RAMP3: variants seen among roughly 807,000 people sequenced by gnomAD.
RAMP3 encodes the protein receptor activity modifying protein 3.
A neutral mutation model predicts 13.5 loss-of-function variants in RAMP3; 14 were observed. The observed-to-expected ratio is 1.04, with a 90% CI of 0.69 to 1.63. RAMP3 has a LOEUF of 1.63. RAMP3 is among the 40% of genes most tolerant of loss of function. RAMP3 has a pLI of 0.00. For missense variants in RAMP3, 200 were observed against 204.8 expected (o/e 0.98, Z 0.14); for synonymous variants, 106 against 88.3 (o/e 1.20, Z -1.12).
intron 1 of RAMP3, among the ~76,000 whole-genome samples, chr7:45,168,463 A>G (rs2128656355): frequency 6.7e-6 from 1 of 150,128 alleles, no homozygotes; most frequent in African/African-American, 2.4e-5. Flanking sequence ...TTTTCGGAGT[A>G]CAAGTTTTGT....
intron 1 of RAMP3, among the ~76,000 whole-genome samples, chr7:45,158,522 G>T (rs1313113898): frequency 1.3e-5 from 2 of 152,220 alleles, no homozygotes; most frequent in Non-Finnish European, 2.9e-5. Flanking sequence ...TAAACTAAAA[G>T]CTTGTTTTGA....
intron 1 of RAMP3, among the ~76,000 whole-genome samples, chr7:45,169,835 T>C (rs1786044753): frequency 6.6e-6 from 1 of 152,232 alleles, no homozygotes; most frequent in South Asian, 2.1e-4. Flanking sequence ...ATTACCTCAG[T>C]TGAGACCCTA....
chr7:45,179,864 C>T (rs1232471643), intron 2 of RAMP3, among the ~76,000 whole-genome samples: 1 of 152,170 alleles, frequency 6.6e-6, no homozygotes, highest in East Asian at 1.9e-4. Flanking sequence ...AAAACTTCTA[C>T]ACCTATCCAG....
intron 1 of RAMP3, among the ~76,000 whole-genome samples, chr7:45,164,312 G>T (rs549779544): frequency 5.9e-5 from 9 of 152,308 alleles, no homozygotes; most frequent in Admixed American, 5.9e-4. Context: ...ACTTTGGGAG[G>T]CCAAGGCGAG....
rs965821663 is a variant in RAMP3 at position 45,164,491 on chromosome 7, C to T, written c.58+6605C>T. Among the ~76,000 whole-genome samples, 6 of 152,004 alleles carry T rather than the reference C, an allele frequency of 3.9e-5. 1 individual carries two copies. The highest frequency in any genetic ancestry group is 2.6e-4 in the Admixed American group (4 of 15,274). On this transcript the variant is annotated intron_variant, in intron 1 of 2. Transcript: ENST00000242249. ...TGAAGGCTGCAGTGAGTCATGATCA[C>T]ACCACTGTACTCCAGCCTCGGTGAC...
chr7:45,169,599 T>C (rs1357714182), intron 1 of RAMP3, among the ~76,000 whole-genome samples: 1 of 152,210 alleles, frequency 6.6e-6, no homozygotes, highest in African/African-American at 2.4e-5. Context: ...TGCTGGGCAC[T>C]CCTTCCCAGC....
chr7:45,162,991 G>C (rs1019080699), intron 1 of RAMP3, among the ~76,000 whole-genome samples: 5 of 152,206 alleles, frequency 3.3e-5, no homozygotes, highest in Non-Finnish European at 7.3e-5. Context: ...TGCTGGACTG[G>C]AATCTACATT....
chr7:45,166,228 G>A (rs1785959351), intron 1 of RAMP3, among the ~76,000 whole-genome samples: 1 of 150,634 alleles, frequency 6.6e-6, no homozygotes. Context: ...AGTCTGGAGT[G>A]CAGTGGTGCA....
At position 45,183,580 on chromosome 7, in the gene RAMP3, T is replaced by A. The variant is rs747193510; in HGVS notation, c.*168T>A. On this transcript the variant is annotated 3_prime_UTR_variant, in exon 3 of 3. Transcript: ENST00000242249. ...CTGACCTGCTCCCTCGAGGCCAGCC[T>A]GCTCCCTGGCTGAGGCTCAGGCTAT... 3.1e-6 allele frequency: 3 copies of A among 963,268 alleles called. No individual in the cohort carries two copies. Among genetic ancestry groups the A allele is most frequent in the Non-Finnish European group, 4.6e-6 (3 of 652,708 alleles). The allele number at this position is 963,268 out of a possible 1,614,324, so 59.7% of individuals were successfully genotyped here.
At chr7:45,158,506 A>G (rs1785804514) in intron 1 of RAMP3, among the ~76,000 whole-genome samples, 1 of 152,272 alleles carries the variant, frequency 6.6e-6, no homozygotes, top group African/African-American at 2.4e-5. Flanking sequence ...CAAAATGGAA[A>G]TAGATTAAAC....
intron 1 of RAMP3, among the ~76,000 whole-genome samples, chr7:45,161,852 A>T (rs1419147624): frequency 6.6e-6 from 1 of 152,090 alleles, no homozygotes; most frequent in Non-Finnish European, 1.5e-5. Context: ...GGCACTGGCC[A>T]GGAGGGACAG....
chr7:45,159,099 C>T (rs1487384921), intron 1 of RAMP3, among the ~76,000 whole-genome samples: 3 of 152,190 alleles, frequency 2.0e-5, no homozygotes, highest in Non-Finnish European at 4.4e-5. Flanking sequence ...CAGGCTTCCG[C>T]CTGCACAGAA....
intron 1 of RAMP3, 106 bp from the exon 2 acceptor site, chr7:45,177,203 C>T (rs764956932): frequency 1.5e-4 from 218 of 1,454,494 alleles, no homozygotes; most frequent in Non-Finnish European, 1.8e-4. Context: ...GGCTTGCAAA[C>T]GGAGCCTTGC....
At chr7:45,167,558 CTTT>C (rs373727786) in intron 1 of RAMP3, among the ~76,000 whole-genome samples, 37,319 of 139,388 alleles carry the variant, frequency 0.27, 5,528 homozygotes, top group African/African-American at 0.44. Context: ...CAACTTTGTT[CTTT>C]TTTTTTTTTT....
chr7:45,158,937 G>T (rs544329719), intron 1 of RAMP3, among the ~76,000 whole-genome samples: 1 of 152,342 alleles, frequency 6.6e-6, no homozygotes, highest in African/African-American at 2.4e-5. Flanking sequence ...CTGAAATCAG[G>T]AGCATGCTGA....
In RAMP3 at chr7:45,181,773, T is replaced by C. The variant is rs577084315; in HGVS notation, c.192-1384T>C. ...TTGAGGTGTCTCTAATGCCTGGGCA[T>C]GTCTCAGGTGCTGCATTGTGGCTGA... On this transcript the variant is annotated intron_variant, in intron 2 of 2. Transcript: ENST00000242249. Among the ~76,000 whole-genome samples the C allele has an allele frequency of 3.6e-4, 55 of 152,292 alleles. No homozygotes were observed. In the South Asian group the frequency reaches 0.011, roughly 31 times the overall value.
rs111774711 is a variant in RAMP3 at position 45,177,699 on chromosome 7, G to A, written c.191+258G>A. ...CCCCTGGCACATCACTCACGGCCCC[G>A]CCCATGCCGTGCCCCTGCCCACGGC... On this transcript the variant is annotated intron_variant, in intron 2 of 2. Coordinates refer to ENST00000242249, the MANE Select transcript of RAMP3 (RefSeq NM_005856.3). 6.8e-3 allele frequency among the ~76,000 whole-genome samples: 1,031 copies of A among 151,696 alleles called. 13 individuals are homozygous for A. The highest frequency in any genetic ancestry group is 0.024 in the African/African-American group (979 of 41,350).
chr7:45,178,491 C>T (rs1238442900), intron 2 of RAMP3, among the ~76,000 whole-genome samples: 2 of 152,242 alleles, frequency 1.3e-5, no homozygotes, highest in Middle Eastern at 3.2e-3. Context: ...GAAGCCTCCC[C>T]GGCCCTGGCC....
chr7:45,183,111 A>AG, intron 2 of RAMP3, 46 bp from the exon 3 acceptor site: 2 of 1,599,044 alleles, frequency 1.3e-6, no homozygotes. Flanking sequence ...GGCAGGTGTG[A>AG]GGGGGGATGG....
Sources: allele counts gnomAD v4.1 joint callset (sites outside exome capture counted in the v4.1 genomes callset), GRCh38; gene constraint gnomAD v4.1.1; transcripts MANE v1.5; gene names NCBI Gene and HGNC (gene_info 2026-07-23, HGNC 2026-07-21).